ARHGEF1: variants seen among roughly 807,000 people sequenced by gnomAD.
The protein encoded by ARHGEF1 is 115 kDa guanine nucleotide exchange factor.
A neutral mutation model predicts 119.7 loss-of-function variants in ARHGEF1; 40 were observed. That is an observed-to-expected ratio of 0.33 (90% CI 0.26 to 0.44). The LOEUF (loss-of-function observed/expected upper bound fraction) is 0.44, where lower values mean the gene tolerates loss of function less well. ARHGEF1 is among the 20% of genes least tolerant of loss of function. The probability of loss-of-function intolerance (pLI) is 1.00; values close to 1 mark genes in which losing one functional copy is unlikely to be tolerated. For synonymous variants in ARHGEF1, 494 were observed against 521.0 expected, an observed-to-expected ratio of 0.95 and a Z score of 0.71; for missense variants, 976 against 1,268.3, an observed-to-expected ratio of 0.77 and a Z score of 3.50.
At position 41,903,046 on chromosome 19, in the gene ARHGEF1, T is replaced by C. The variant is rs1158853445; in HGVS notation, c.1738+148T>C. On this transcript the variant is annotated intron_variant, in intron 18 of 28. Transcript: ENST00000354532. The surrounding 1 kb of genome is among the most constrained non-coding windows in gnomAD (Gnocchi z 4.2). Reference sequence around the variant, plus strand: ...CATCCTCCCACCTCAGCTCCCCAAGTAGCTGGGACCCCAAGGGCACACCAC... The same window carrying C: ...CATCCTCCCACCTCAGCTCCCCAAGCAGCTGGGACCCCAAGGGCACACCAC... 1.4e-6 allele frequency: 1 copy of C among 736,622 alleles called. No individual in the cohort carries two copies. Among genetic ancestry groups the C allele is most frequent in the African/African-American group, 1.8e-5 (1 of 56,044 alleles). 45.6% of individuals were successfully genotyped at this position (736,622 alleles called of 1,614,324 possible).
intron 1 of ARHGEF1, chr19:41,884,234 CA>C (rs1385615835): frequency 4.9e-6 from 3 of 611,610 alleles, no homozygotes; most frequent in Non-Finnish European, 8.6e-6. Context: ...GCTGGCCCTC[CA>C]AGACAGGCCA....
chr19:41,917,431 C>G lies in ARHGEF1; in HGVS notation c.1866-5661C>G, dbSNP rs959572211. 6.6e-6 allele frequency among the ~76,000 whole-genome samples: 1 copy of G among 152,000 alleles called. No homozygotes were observed. The highest frequency in any genetic ancestry group is 1.5e-5 in the Non-Finnish European group (1 of 67,974). ...GCGCCGGCCGCCTCGGGAGCCGCCT[C>G]GGGCCTCGCACCCCCACCACCAGCC... On this transcript the variant is annotated intron_variant, in intron 18 of 20. Coordinates refer to the ARHGEF1 transcript ENST00000599589. The surrounding 1 kb of genome is among the most constrained non-coding windows in gnomAD (Gnocchi z 4.8).
At chr19:41,896,905 T>C in intron 13 of ARHGEF1, 1 of 323,022 alleles carries the variant, frequency 3.1e-6, no homozygotes, top group Non-Finnish European at 5.9e-6. Context: ...ACCTCCCCTC[T>C]CTTCTCTCAC....
chr19:41,898,150 C>T, intron 13 of ARHGEF1: 2 of 1,401,848 alleles, frequency 1.4e-6, no homozygotes, highest in Non-Finnish European at 1.8e-6. Context: ...TCCACTAAGG[C>T]AGCCTGGAGA....
At position 41,883,612 on chromosome 19, in the gene ARHGEF1, T is replaced by G. The variant is rs1300562198; in HGVS notation, c.-20+323T>G. Among the ~76,000 whole-genome samples the G allele has an allele frequency of 6.6e-6, 1 of 151,816 alleles. No individual in the cohort carries two copies. Among genetic ancestry groups the G allele is most frequent in the African/African-American group, 2.4e-5 (1 of 41,324 alleles). ...CCGAGGCCCGGGGAGCCAAACCGACTCGTCCCAGGGAACGCACATCGTGAG... is the reference window on the plus strand; with the variant it reads ...CCGAGGCCCGGGGAGCCAAACCGACGCGTCCCAGGGAACGCACATCGTGAG... On this transcript the variant is annotated intron_variant, in intron 1 of 28. Transcript: ENST00000354532. This position sits in a 1 kb window ranked among gnomAD's most constrained non-coding sequence, Gnocchi z 7.6.
chr19:41,891,920 C>A, intron 4 of ARHGEF1, 105 bp from the exon 5 acceptor site: 2 of 958,016 alleles, frequency 2.1e-6, no homozygotes, highest in Non-Finnish European at 3.1e-6. Flanking sequence ...AGTTGAGTCC[C>A]ACAGCCATAG....
Position 41,906,565 on chromosome 19 carries a change from C to G in ARHGEF1, c.2600C>G (p.Thr867Ser). 1 of 1,601,038 alleles carries G rather than the reference C, an allele frequency of 6.2e-7. No individual in the cohort carries two copies. The highest frequency in any genetic ancestry group is 2.2e-5 in the East Asian group (1 of 44,618). Reference sequence around the variant, plus strand: ...GGCGGCCCCCTGAGCCCAGCACGGACCCAGGAAATCCAGGAGAACCTGCTC... The same window carrying G: ...GGCGGCCCCCTGAGCCCAGCACGGAGCCAGGAAATCCAGGAGAACCTGCTC... ...PGGGPLSPARTQEIQENLLSL... is the reference protein window; with the variant it reads ...PGGGPLSPARSQEIQENLLSL... The change falls in exon 27 of 29, where the codon ACC becomes AGC. Residue 867 changes from threonine (T) to serine (S), a missense_variant. Around this residue, in one of 3 missense-constraint regions of ARHGEF1, gnomAD observed 171 missense variants for 180.6 expected, o/e 0.95. Coordinates refer to ENST00000354532, the MANE Select transcript of ARHGEF1 (RefSeq NM_004706.4). The surrounding 1 kb of genome is among the most constrained non-coding windows in gnomAD (Gnocchi z 4.5).
chr19:41,926,956 G>T (rs1279937934), intron 1 of ARHGEF1, among the ~76,000 whole-genome samples: 1 of 152,032 alleles, frequency 6.6e-6, no homozygotes, highest in African/African-American at 2.4e-5. Flanking sequence ...CAGAGAGAGA[G>T]AGATAGAAAG....
chr19:41,908,976 CTCTTG>C, downstream of ARHGEF1: 1 of 885,804 alleles, frequency 1.1e-6, no homozygotes. The surrounding 1 kb of genome is among the most constrained non-coding windows in gnomAD (Gnocchi z 6.7). Context: ...CCCATCTCTT[CTCTTG>C]TCTTTTCTCA....
chr19:41,896,890 C>T, intron 13 of ARHGEF1: 1 of 334,756 alleles, frequency 3.0e-6, no homozygotes, highest in Non-Finnish European at 5.8e-6. Flanking sequence ...CCCCGCTCCT[C>T]TCTCACCTCC....
At chr19:41,929,627 A>AC (rs2074893533) in intron 2 of ARHGEF1, 1 of 44,520 alleles carries the variant, frequency 2.2e-5, no homozygotes, top group Admixed American at 2.8e-4. Context: ...CCAACCCACC[A>AC]CCCCCGACTT....
chr19:41,929,004 C>A, intron 2 of ARHGEF1: 1 of 430,854 alleles, frequency 2.3e-6, no homozygotes, highest in Non-Finnish European at 4.7e-6. Context: ...AGTGCAAACA[C>A]ACACTCAGGG....
In ARHGEF1 at chr19:41,895,484, C is replaced by T; in HGVS notation, c.1013C>T (p.Pro338Leu). 1 of 1,594,370 alleles carries T rather than the reference C, an allele frequency of 6.3e-7. No individual in the cohort carries two copies. Among genetic ancestry groups the T allele is most frequent in the Non-Finnish European group, 8.6e-7 (1 of 1,167,612 alleles). The change falls in exon 12 of 29, where the codon CCA becomes CTA. Residue 338 changes from proline (P) to leucine (L), a missense_variant and splice_region_variant. Pro to Leu is a moderately conservative substitution (Grantham distance 98). Coordinates refer to ENST00000354532, the MANE Select transcript of ARHGEF1 (RefSeq NM_004706.4). ...TCCCTGGACAGCCCAGACCGGGAACCAGGTGAGAGTTTCCTGGGCCAGGGC... is the reference window on the plus strand; with the variant it reads ...TCCCTGGACAGCCCAGACCGGGAACTAGGTGAGAGTTTCCTGGGCCAGGGC... ...PLSLDSPDREPGADAPLELGD... is the reference protein window; with the variant it reads ...PLSLDSPDRELGADAPLELGD...
At chr19:41,929,312 CAT>C (rs1367498938) in intron 2 of ARHGEF1, among the ~76,000 whole-genome samples, 1 of 152,124 alleles carries the variant, frequency 6.6e-6, no homozygotes, top group Non-Finnish European at 1.5e-5. Context: ...CTCACTAACA[CAT>C]AGGCAGAACC....
Position 41,888,015 on chromosome 19 carries a change from G to T in ARHGEF1, c.-19-49G>T. On this transcript the variant is annotated intron_variant, in intron 1 of 28. Coordinates refer to ENST00000354532, the MANE Select transcript of ARHGEF1 (RefSeq NM_004706.4). The surrounding 1 kb of genome is among the most constrained non-coding windows in gnomAD (Gnocchi z 5.1). Reference sequence around the variant, plus strand: ...CCAGGAATCTGTGAGTAACCACCCTGGGCCGCCTCCTCCCACCCTCCTAAC... The same window carrying T: ...CCAGGAATCTGTGAGTAACCACCCTTGGCCGCCTCCTCCCACCCTCCTAAC... 1 of 1,587,388 alleles carries T rather than the reference G, an allele frequency of 6.3e-7. No homozygotes were observed. Among genetic ancestry groups the T allele is most frequent in the Non-Finnish European group, 8.6e-7 (1 of 1,167,514 alleles).
chr19:41,906,261 C>T lies in ARHGEF1; in HGVS notation c.2492-196C>T. On this transcript the variant is annotated intron_variant, in intron 26 of 28. Transcript: ENST00000354532. This position sits in a 1 kb window ranked among gnomAD's most constrained non-coding sequence, Gnocchi z 4.5. Reference sequence around the variant, plus strand: ...CCTGAACACATCTCTGTCTTCAGTACCTTCCTGCCCTGTCCCAACCCTAAA... The same window carrying T: ...CCTGAACACATCTCTGTCTTCAGTATCTTCCTGCCCTGTCCCAACCCTAAA... The T allele has an allele frequency of 1.5e-6, 1 of 663,568 alleles. No individual in the cohort carries two copies. Among genetic ancestry groups the T allele is most frequent in the Non-Finnish European group, 2.6e-6 (1 of 384,504 alleles). The allele number at this position is 663,568 out of a possible 1,614,324, so 41.1% of individuals were successfully genotyped here.
chr19:41,902,200 C>G lies in ARHGEF1; in HGVS notation c.1415-74C>G. ...ACAGACACACCTGCAGCCCTACCCC[C>G]ACCACACCGCAGCAGGCCCCGCACA... On this transcript the variant is annotated intron_variant, in intron 15 of 28. Transcript: ENST00000354532. This position sits in a 1 kb window ranked among gnomAD's most constrained non-coding sequence, Gnocchi z 6.5. 6.3e-7 allele frequency: 1 copy of G among 1,586,006 alleles called. No individual in the cohort carries two copies.
In ARHGEF1 at chr19:41,903,032, C is replaced by A; in HGVS notation, c.1738+134C>A. On this transcript the variant is annotated intron_variant, in intron 18 of 28. Transcript: ENST00000354532. This position sits in a 1 kb window ranked among gnomAD's most constrained non-coding sequence, Gnocchi z 4.2. Reference sequence around the variant, plus strand: ...CTCCCAGGATCTACCATCCTCCCACCTCAGCTCCCCAAGTAGCTGGGACCC... The same window carrying A: ...CTCCCAGGATCTACCATCCTCCCACATCAGCTCCCCAAGTAGCTGGGACCC... 1 of 778,034 alleles carries A rather than the reference C, an allele frequency of 1.3e-6. No individual in the cohort carries two copies. The highest frequency in any genetic ancestry group is 2.0e-6 in the Non-Finnish European group (1 of 497,816). 48.2% of individuals were successfully genotyped at this position (778,034 alleles called of 1,614,324 possible).
At chr19:41,884,768 A>G (rs1377583098) in intron 1 of ARHGEF1, among the ~76,000 whole-genome samples, 5 of 152,122 alleles carry the variant, frequency 3.3e-5, no homozygotes, top group African/African-American at 9.7e-5. Flanking sequence ...CCGGGGCTCT[A>G]TAGACCATGG....
Sources: gnomAD v4.1 joint callset for allele counts (sites outside exome capture counted in the v4.1 genomes callset) on GRCh38, gnomAD v4.1.1 for gene constraint, gnomAD v4.1.1 regional missense constraint, Gnocchi (gnomAD v3.1) non-coding constraint, MANE v1.5 for transcripts, NCBI Gene and HGNC (gene_info 2026-07-23, HGNC 2026-07-21) for gene names.